DPP9: variants seen among roughly 807,000 people sequenced by gnomAD.
DPP9 encodes dipeptidyl peptidase IV-related protein-2.
Under a neutral mutation model 110.7 loss-of-function variants are expected in DPP9, and 50 were observed. The observed-to-expected ratio is 0.45, with a 90% CI of 0.36 to 0.57. The LOEUF (loss-of-function observed/expected upper bound fraction) is 0.57, where lower values mean the gene tolerates loss of function less well. Among genes scored for constraint, DPP9 ranks in the 20% least tolerant of loss-of-function variants. The probability of loss-of-function intolerance (pLI) is 0.00; values close to 1 mark genes in which losing one functional copy is unlikely to be tolerated. For synonymous variants in DPP9, 561 were observed against 514.4 expected (o/e 1.09, Z -1.23); for missense variants, 1,022 against 1,217.9 (o/e 0.84, Z 2.39).
rs185497655 is a variant in DPP9 at position 4,700,729 on chromosome 19, A to G, written c.1013-452T>C. ...ACCAGGGAGCCCGTGTGACAGCCAG[A>G]CCTGCGCCCTCCGGAGGCCAATGGC... is the stretch of plus-strand genomic sequence containing the variant. On this transcript the variant is annotated intron_variant, in intron 9 of 21. Transcript: ENST00000262960. This position sits in a 1 kb window ranked among gnomAD's most constrained non-coding sequence, Gnocchi z 4.3. Among the ~76,000 whole-genome samples the G allele has an allele frequency of 6.6e-6, 1 of 152,234 alleles. No individual in the cohort carries two copies. Among genetic ancestry groups the G allele is most frequent in the Admixed American group, 6.5e-5 (1 of 15,304 alleles).
At chr19:4,706,030 T>C in intron 4 of DPP9, 60 bp from the exon 5 acceptor site, 1 of 1,465,532 alleles carries the variant, frequency 6.8e-7, no homozygotes, top group African/African-American at 1.4e-5. Flanking sequence ...GGAGACGCCC[T>C]CAGCCTGCAG....
intron 2 of DPP9, 149 bp from the exon 3 acceptor site, chr19:4,720,090 A>ACG (rs1041027457): frequency 4.5e-6 from 3 of 669,248 alleles, no homozygotes; most frequent in Non-Finnish European, 7.8e-6. Context: ...TTCTGAAGAG[A>ACG]CGATGCTTCA....
chr19:4,683,799 G>A (rs1279802881), intron 18 of DPP9, 170 bp from the exon 19 acceptor site: 2 of 1,542,176 alleles, frequency 1.3e-6, no homozygotes. Context: ...TCTGGGGATG[G>A]CTGGACAGAT....
chr19:4,682,576 A>G lies in DPP9; in HGVS notation c.2474+120T>C, dbSNP rs1358372373. On this transcript the variant is annotated intron_variant, in intron 20 of 21. Transcript: ENST00000262960. The surrounding 1 kb of genome is among the most constrained non-coding windows in gnomAD (Gnocchi z 7.1). The stretch of plus-strand genomic sequence containing the variant: ...CAGGAGCACAGCGGGGAGGCTCCAC[A>G]TGGCCTGAGGCTCCCTGGGCAGGGC... 27 of 1,435,254 alleles carry G rather than the reference A, an allele frequency of 1.9e-5. No homozygotes were observed. The highest frequency in any genetic ancestry group is 5.6e-5 in the African/African-American group (4 of 71,182). 88.9% of individuals were successfully genotyped at this position (1,435,254 alleles called of 1,614,324 possible).
At chr19:4,721,318 T>C (rs1032527607) in intron 2 of DPP9, among the ~76,000 whole-genome samples, 2 of 152,242 alleles carry the variant, frequency 1.3e-5, no homozygotes, top group Admixed American at 6.5e-5. Context: ...ACAGATTGCC[T>C]GAGCCCAGAC....
chr19:4,686,902 G>A (rs1463081995), intron 16 of DPP9, among the ~76,000 whole-genome samples: 5 of 152,182 alleles, frequency 3.3e-5, no homozygotes, highest in Non-Finnish European at 5.9e-5. Context: ...CTGCGGTAGC[G>A]CTAATGTGGC....
Position 4,682,789 on chromosome 19 carries a change from CCT to C in DPP9, c.2379_2380del (p.Gly794ValfsTer3), listed in dbSNP as rs766329416. 8 of 1,599,916 alleles carry C rather than the reference CCT, an allele frequency of 5.0e-6. No individual in the cohort carries two copies. The highest frequency in any genetic ancestry group is 3.5e-5 in the Admixed American group (2 of 57,708). Reference sequence around the variant, plus strand: ...GACGTCCATGTAGCGCTCAGTGTACCCTGTGTCGTAGGCCATCCAGACGGTGA... The same window carrying C: ...GACGTCCATGTAGCGCTCAGTGTACCGTGTCGTAGGCCATCCAGACGGTGA... On this transcript the variant is annotated frameshift_variant, in exon 20 of 22. Transcript: ENST00000262960. LOFTEE classifies it high-confidence loss of function. This position sits in a 1 kb window ranked among gnomAD's most constrained non-coding sequence, Gnocchi z 7.1.
At chr19:4,699,910 C>CT (rs1400357656) in intron 10 of DPP9, among the ~76,000 whole-genome samples, 1 of 152,218 alleles carries the variant, frequency 6.6e-6, no homozygotes, top group Non-Finnish European at 1.5e-5. Flanking sequence ...CCGAGGTGGC[C>CT]TGGGAGCACC....
chr19:4,698,119 A>G lies in DPP9; in HGVS notation c.1075-468T>C, dbSNP rs111324386. Among the ~76,000 whole-genome samples the G allele has an allele frequency of 0.064, 9,677 of 152,282 alleles. 533 individuals are homozygous for G. The highest frequency in any genetic ancestry group is 0.15 in the African/African-American group (6,042 of 41,542). ...CTGGGCAAGCCAACGGCGGCACCCC[A>G]GCAGGTGCCTGGACCCAAAGGCTCT... On this transcript the variant is annotated intron_variant, in intron 10 of 21. Coordinates refer to ENST00000262960, the MANE Select transcript of DPP9 (RefSeq NM_139159.5). This position sits in a 1 kb window ranked among gnomAD's most constrained non-coding sequence, Gnocchi z 4.2.
chr19:4,705,064 G>A (rs1287849996), intron 5 of DPP9, among the ~76,000 whole-genome samples: 5 of 152,164 alleles, frequency 3.3e-5, no homozygotes, highest in African/African-American at 7.2e-5. Flanking sequence ...TAAACACAAG[G>A]ACACTGGCTT....
At position 4,718,288 on chromosome 19, in the gene DPP9, G is replaced by A. The variant is rs2093167883; in HGVS notation, c.56+1563C>T. Among the ~76,000 whole-genome samples the A allele has an allele frequency of 6.6e-6, 1 of 152,154 alleles. No homozygotes were observed. The highest frequency in any genetic ancestry group is 1.5e-5 in the Non-Finnish European group (1 of 68,026). ...GGCGAGCGGGGGCGGGGGAGTAGTT[G>A]GAGATGGGGGAAGTATTTGGACGCC... On this transcript the variant is annotated intron_variant, in intron 3 of 21. Coordinates refer to ENST00000262960, the MANE Select transcript of DPP9 (RefSeq NM_139159.5). The surrounding 1 kb of genome is among the most constrained non-coding windows in gnomAD (Gnocchi z 4.3).
intron 11 of DPP9, among the ~76,000 whole-genome samples, chr19:4,696,854 T>C (rs868108425): frequency 8.5e-5 from 13 of 152,246 alleles, no homozygotes; most frequent in African/African-American, 3.1e-4. Context: ...TAACATTCCA[T>C]TGGAGGCATT....
intron 3 of DPP9, chr19:4,715,624 A>C (rs2093040496): frequency 6.6e-6 from 1 of 152,038 alleles, no homozygotes; most frequent in Admixed American, 6.6e-5. Flanking sequence ...GGGTCTCGGG[A>C]GAGGCCCGGG....
intron 3 of DPP9, chr19:4,715,613 T>C (rs1272545986): frequency 6.6e-6 from 1 of 152,158 alleles, no homozygotes; most frequent in Non-Finnish European, 1.5e-5. Flanking sequence ...GGAGACATGC[T>C]GGGTCTCGGG....
intron 2 of DPP9, chr19:4,722,161 C>T (rs927748319): frequency 4.5e-5 from 13 of 291,620 alleles, no homozygotes; most frequent in African/African-American, 2.6e-4. Flanking sequence ...AAACTAAAGT[C>T]CTTTCAGGGC....
At chr19:4,715,441 TC>T (rs2093033584) in intron 3 of DPP9, 1 of 152,192 alleles carries the variant, frequency 6.6e-6, no homozygotes, top group African/African-American at 2.4e-5. Flanking sequence ...CACCTGGCTG[TC>T]CCCTCCCTCC....
At chr19:4,702,740 C>G (rs2092341599) in intron 7 of DPP9, 24 bp from the exon 8 acceptor site, 1 of 1,457,278 alleles carries the variant, frequency 6.9e-7, no homozygotes, top group East Asian at 2.8e-5. Context: ...CGGAGAGCAT[C>G]AACAAGGGGT....
At chr19:4,697,332 T>C (rs939790486) in intron 11 of DPP9, among the ~76,000 whole-genome samples, 6 of 152,208 alleles carry the variant, frequency 3.9e-5, no homozygotes, top group Non-Finnish European at 8.8e-5. Flanking sequence ...CTAGTGGCAC[T>C]AACACTGGGA....
Position 4,722,494 on chromosome 19 carries a change from C to A in DPP9, c.-36+5G>T. ...TCCTGGCTGCCAAACCCCAGCACAA[C>A]TGACCTTCTAAAGGGTCCAGAGAGC... is the stretch of plus-strand genomic sequence containing the variant. On this transcript the variant is annotated splice_donor_5th_base_variant and intron_variant, in intron 2 of 21. Transcript: ENST00000262960. 1 of 703,120 alleles carries A rather than the reference C, an allele frequency of 1.4e-6. No homozygotes were observed. Among genetic ancestry groups the A allele is most frequent in the Non-Finnish European group, 2.6e-6 (1 of 385,022 alleles). 43.6% of individuals were successfully genotyped at this position (703,120 alleles called of 1,614,324 possible). A position where few individuals can be genotyped will look rare whatever the true frequency, so the allele number is the denominator to read the frequency against.
Sources: gnomAD v4.1 joint callset for allele counts (sites outside exome capture counted in the v4.1 genomes callset) on GRCh38, gnomAD v4.1.1 for gene constraint, Gnocchi (gnomAD v3.1) non-coding constraint, MANE v1.5 for transcripts, NCBI Gene and HGNC (gene_info 2026-07-23, HGNC 2026-07-21) for gene names.